Variants in PLA2G4F observed in about 807,000 individuals in gnomAD.
PLA2G4F encodes the protein phospholipase A2 group IVF.
PLA2G4F carries 105 observed loss-of-function variants against 103.1 expected under a neutral mutation model. That is an observed-to-expected ratio of 1.02 (90% CI 0.87 to 1.20). The LOEUF is 1.20. Ranked by LOEUF, PLA2G4F falls within the 50% of genes most tolerant of loss-of-function variation. The pLI is 0.00. For synonymous variants in PLA2G4F, 468 were observed against 441.1 expected, an observed-to-expected ratio of 1.06 and a Z score of -0.76; for missense variants, 1,155 against 1,075.9, an observed-to-expected ratio of 1.07 and a Z score of -1.03.
chr15:42,142,330 T>C (rs2048833850), intron 19 of PLA2G4F, 126 bp from the exon 20 acceptor site: 1 of 1,142,056 alleles, frequency 8.8e-7, no homozygotes, highest in Admixed American at 2.8e-5. Flanking sequence ...TTGGGCCACA[T>C]CTCAGCTCTC....
At chr15:42,147,452 G>C in intron 12 of PLA2G4F, 106 bp from the exon 13 acceptor site, 1 of 1,385,904 alleles carries the variant, frequency 7.2e-7, no homozygotes, top group African/African-American at 1.4e-5. Context: ...TTGCACTGCT[G>C]CCCTGCAAAC....
intron 2 of PLA2G4F, 71 bp from the exon 3 acceptor site, chr15:42,154,529 G>A (rs1178877513): frequency 6.8e-7 from 1 of 1,461,192 alleles, no homozygotes; most frequent in East Asian, 2.4e-5. Context: ...GGGGAGGCTA[G>A]GGCAGAAGGG....
Position 42,145,619 on chromosome 15 carries a change from C to A in PLA2G4F, c.1736G>T (p.Gly579Val), listed in dbSNP as rs573176161. The change falls in exon 16 of 20, where the codon GGC becomes GTC. Residue 579 changes from glycine to valine, a missense_variant. Physicochemically the swap from Gly to Val is moderately radical, Grantham distance 109. This residue lies in a region of PLA2G4F where 782 missense variants were observed against 692.9 expected (regional missense o/e 1.13). Coordinates refer to ENST00000397272, the MANE Select transcript of PLA2G4F (RefSeq NM_213600.4). ...TCTGTACCACTCCAGGAAGCTGAGGCCCGAGCCGGCGGTCTTTAGGAAGAT... is the reference window on the plus strand; with the variant it reads ...TCTGTACCACTCCAGGAAGCTGAGGACCGAGCCGGCGGTCTTTAGGAAGAT... ...DEIFLKTAGS[G>V]LSFLEWYRGS... 2 of 1,614,114 alleles carry A rather than the reference C, an allele frequency of 1.2e-6. No homozygotes were observed. The highest frequency in any genetic ancestry group is 2.2e-5 in the East Asian group (1 of 44,876).
At chr15:42,150,521 C>G in intron 8 of PLA2G4F, 35 bp from the exon 9 acceptor site, 1 of 1,603,266 alleles carries the variant, frequency 6.2e-7, no homozygotes, top group South Asian at 1.1e-5. Flanking sequence ...AGCTCTCCAG[C>G]AGGGAAGAAA....
At position 42,144,076 on chromosome 15, in the gene PLA2G4F, C is replaced by G; in HGVS notation, c.2044G>C (p.Gly682Arg). The change falls in exon 18 of 20, where the codon GGC (glycine) becomes CGC (arginine). Residue 682 changes from glycine (G) to arginine (R), a missense_variant. Around this residue, in one of 3 missense-constraint regions of PLA2G4F, gnomAD observed 782 missense variants for 692.9 expected, o/e 1.13. Transcript: ENST00000397272. ...MRDCLYLVDG[G>R]FAINSPFPLA... ...GGGAACGGAGAGTTGATGGCAAAGC[C>G]TCCGTCCACCAGGTACAGGCAGTCC... is the stretch of plus-strand genomic sequence containing the variant. 6.2e-7 allele frequency: 1 copy of G among 1,613,954 alleles called. No individual in the cohort carries two copies. The highest frequency in any genetic ancestry group is 2.2e-5 in the East Asian group (1 of 44,886).
At chr15:42,152,903 G>A in intron 6 of PLA2G4F, 149 bp from the exon 7 acceptor site, 1 of 743,632 alleles carries the variant, frequency 1.3e-6, no homozygotes. Context: ...CAGGGTCTAG[G>A]AAACAGCCCT....
intron 7 of PLA2G4F, 45 bp downstream of exon 7, chr15:42,152,643 C>A: frequency 6.5e-7 from 1 of 1,547,380 alleles, no homozygotes; most frequent in South Asian, 1.2e-5. Flanking sequence ...TAGTTCCAAC[C>A]CCGGGAGAGA....
intron 11 of PLA2G4F, chr15:42,148,951 C>G: frequency 1.0e-6 from 1 of 985,404 alleles, no homozygotes; most frequent in Non-Finnish European, 1.2e-6. Context: ...ACGATCTAGC[C>G]TTGTCAGCGC....
chr15:42,148,977 G>A, intron 11 of PLA2G4F: 1 of 985,376 alleles, frequency 1.0e-6, no homozygotes, highest in Middle Eastern at 5.2e-4. Flanking sequence ...CACAGTGATA[G>A]CGTCTCCTGA....
At chr15:42,143,326 T>C (rs1413974844) in intron 18 of PLA2G4F, among the ~76,000 whole-genome samples, 2 of 151,936 alleles carry the variant, frequency 1.3e-5, no homozygotes, top group African/African-American at 2.4e-5. Flanking sequence ...TCTTCCCTTC[T>C]CTCACCCCTC....
rs934424268 is a variant in PLA2G4F at position 42,154,094 on chromosome 15, G to C, written c.448C>G (p.Gln150Glu). The change falls in exon 4 of 20, where the codon CAG (glutamine) becomes GAG (glutamate). Residue 150 changes from glutamine to glutamate, a missense_variant and splice_region_variant. Transcript: ENST00000397272. Reference protein sequence around the residue: ...PHKHTFPLNHQDSQELQVEFV... With the variant: ...PHKHTFPLNHEDSQELQVEFV... ...TCCGCCAGCACTGGTGGGCTCACCT[G>C]GTGGTTGAGTGGGAAGGTGTGTTTG... is the stretch of plus-strand genomic sequence containing the variant. 7 of 1,614,190 alleles carry C rather than the reference G, an allele frequency of 4.3e-6. No homozygotes were observed. Among genetic ancestry groups the C allele is most frequent in the Non-Finnish European group, 5.9e-6 (7 of 1,180,032 alleles).
At chr15:42,151,814 T>G (rs73403550) in intron 7 of PLA2G4F, among the ~76,000 whole-genome samples, 24,987 of 152,282 alleles carry the variant, frequency 0.16, 3,713 homozygotes, top group African/African-American at 0.38. Context: ...GCTCTACTAC[T>G]TACTGGCTGT....
intron 16 of PLA2G4F, among the ~76,000 whole-genome samples, chr15:42,145,353 G>A (rs142556984): frequency 4.6e-5 from 7 of 152,306 alleles, no homozygotes; most frequent in East Asian, 3.9e-4. Context: ...GTCCTGCACC[G>A]AGTGGACCTA....
At chr15:42,148,545 A>G in intron 11 of PLA2G4F, 1 of 912,284 alleles carries the variant, frequency 1.1e-6, no homozygotes, top group Non-Finnish European at 1.3e-6. Flanking sequence ...CCCAGCAGCA[A>G]CAATGAAATC....
Position 42,149,867 on chromosome 15 carries a change from G to A in PLA2G4F, c.924-19C>T, listed in dbSNP as rs745681104. 2 of 1,613,262 alleles carry A rather than the reference G, an allele frequency of 1.2e-6. No individual in the cohort carries two copies. The highest frequency in any genetic ancestry group is 2.2e-5 in the East Asian group (1 of 44,872). On this transcript the variant is annotated intron_variant, in intron 10 of 19. Coordinates refer to ENST00000397272, the MANE Select transcript of PLA2G4F (RefSeq NM_213600.4). Reference sequence around the variant, plus strand: ...CCCGGAGCTGCCTCAAGTAGGGTGGGGTGGCGGTGGGGGGTTCTGGGTGAC... The same window carrying A: ...CCCGGAGCTGCCTCAAGTAGGGTGGAGTGGCGGTGGGGGGTTCTGGGTGAC...
Position 42,154,194 on chromosome 15 carries a change from G to A in PLA2G4F, c.348C>T (p.Asp116=). 1 of 1,614,250 alleles carries A rather than the reference G, an allele frequency of 6.2e-7. No homozygotes were observed. Among genetic ancestry groups the A allele is most frequent in the African/African-American group, 1.3e-5 (1 of 75,070 alleles). Residue 116 remains aspartate (D), a synonymous_variant, in exon 4 of 20, where the codon GAC becomes GAT. Coordinates refer to ENST00000397272, the MANE Select transcript of PLA2G4F (RefSeq NM_213600.4). The part of the protein sequence containing the change: ...VKNVLELTLY[D]KDILGSDQLS... Reference sequence around the variant, plus strand: ...GCTGGTCGCTGCCCAGGATGTCCTTGTCATAGAGGGTGAGCTCCAGGACGT... The same window carrying A: ...GCTGGTCGCTGCCCAGGATGTCCTTATCATAGAGGGTGAGCTCCAGGACGT...
Position 42,155,581 on chromosome 15 carries a change from G to T in PLA2G4F, c.120C>A (p.Thr40=). The change falls in exon 2 of 20, where the codon ACC becomes ACA. Residue 40 remains threonine, a synonymous_variant. Transcript: ENST00000397272. ...GPLWRHWRRE[T]YPYYDLQVKV... The stretch of plus-strand genomic sequence containing the variant: ...TCACCTGGAGGTCATAGTATGGGTA[G>T]GTTTCCCGCTGCAATAACAGAACTC... 6.2e-7 allele frequency: 1 copy of T among 1,614,036 alleles called. No homozygotes were observed. The highest frequency in any genetic ancestry group is 8.5e-7 in the Non-Finnish European group (1 of 1,179,898).
rs77217281 is a variant in PLA2G4F at position 42,143,871 on chromosome 15, C to T, written c.2142+107G>A. 0.061 allele frequency: 84,820 copies of T among 1,395,308 alleles called. 2,708 individuals carry two copies. Among genetic ancestry groups the T allele is most frequent in the African/African-American group, 0.071 (4,886 of 69,296 alleles). The allele number at this position is 1,395,308 out of a possible 1,614,324, so 86.4% of individuals were successfully genotyped here. A position where few individuals can be genotyped will look rare whatever the true frequency, so the allele number is the denominator to read the frequency against. ...CCGTCCACAAAGGGCAATCCCCACA[C>T]ACCCAGCCAGTCCCCCTCACCAGAG... On this transcript the variant is annotated intron_variant, in intron 18 of 19. Coordinates refer to ENST00000397272, the MANE Select transcript of PLA2G4F (RefSeq NM_213600.4).
chr15:42,145,373 CAGAACAG>C (rs1367247217), intron 16 of PLA2G4F, among the ~76,000 whole-genome samples, 195 bp downstream of exon 16: 1 of 152,108 alleles, frequency 6.6e-6, no homozygotes, highest in African/African-American at 2.4e-5. Flanking sequence ...AATTGGATCC[CAGAACAG>C]AGAACTCAGA....
Sources: allele counts gnomAD v4.1 joint callset (sites outside exome capture counted in the v4.1 genomes callset), GRCh38; gene constraint gnomAD v4.1.1; regional missense constraint gnomAD v4.1.1; transcripts MANE v1.5; gene names NCBI Gene and HGNC (gene_info 2026-07-23, HGNC 2026-07-21).